RXRG: variants seen among roughly 807,000 people sequenced by gnomAD.
RXRG encodes retinoic acid receptor RXR-gamma.
A neutral mutation model predicts 49.2 loss-of-function variants in RXRG; 19 were observed. That is an observed-to-expected ratio of 0.39 (90% CI 0.27 to 0.57). The LOEUF is 0.57. Ranked by LOEUF, RXRG falls within the 20% of genes least tolerant of loss-of-function variation. RXRG has a pLI of 0.64. For synonymous variants in RXRG, 224 were observed against 216.6 expected (o/e 1.03, Z -0.30); for missense variants, 452 against 592.5 (o/e 0.76, Z 2.46).
Position 165,409,699 on chromosome 1 carries a change from A to T in RXRG, c.914-9T>A, listed in dbSNP as rs1657879655. Reference sequence around the variant, plus strand: ...CAGCAATTCATTCCACCCTGCAAGGATAAGGAGGAGGTCTTGAGGGAAAAC... The same window carrying T: ...CAGCAATTCATTCCACCCTGCAAGGTTAAGGAGGAGGTCTTGAGGGAAAAC... On this transcript the variant is annotated splice_polypyrimidine_tract_variant and intron_variant, in intron 6 of 9. Coordinates refer to ENST00000359842, the MANE Select transcript of RXRG (RefSeq NM_006917.5). 1 of 1,487,066 alleles carries T rather than the reference A, an allele frequency of 6.7e-7. No individual in the cohort carries two copies. Among genetic ancestry groups the T allele is most frequent in the African/African-American group, 1.4e-5 (1 of 69,828 alleles). The allele number at this position is 1,487,066 out of a possible 1,614,324, so 92.1% of individuals were successfully genotyped here. A position where few individuals can be genotyped will look rare whatever the true frequency, so the allele number is the denominator to read the frequency against.
intron 7 of RXRG, 21 bp downstream of exon 7, chr1:165,409,537 C>G: frequency 6.9e-7 from 1 of 1,442,014 alleles, no homozygotes; most frequent in Non-Finnish European, 9.1e-7. Context: ...CACACAAATA[C>G]TGGAAGCAGG....
intron 1 of RXRG, among the ~76,000 whole-genome samples, chr1:165,444,045 G>A (rs157888): frequency 3.4e-4 from 52 of 152,188 alleles, no homozygotes; most frequent in Middle Eastern, 3.4e-3. Flanking sequence ...TCCTTGGGAC[G>A]GATGTGCTTG....
intron 1 of RXRG, among the ~76,000 whole-genome samples, chr1:165,437,640 T>C (rs1051400750): frequency 1.3e-5 from 2 of 152,056 alleles, no homozygotes; most frequent in Non-Finnish European, 2.9e-5. Flanking sequence ...GTGCACATAA[T>C]TGATGTTCAA....
chr1:165,422,219 A>G (rs1367139910), intron 2 of RXRG, among the ~76,000 whole-genome samples: 1 of 152,240 alleles, frequency 6.6e-6, no homozygotes, highest in Non-Finnish European at 1.5e-5. Context: ...CCATCTATGG[A>G]AAGCTTGCTC....
intron 2 of RXRG, chr1:165,424,904 A>G: frequency 1.0e-6 from 1 of 985,552 alleles, no homozygotes; most frequent in African/African-American, 1.7e-5. Flanking sequence ...TTCCAGTGTC[A>G]TCTCGTTAAC....
intron 1 of RXRG, 128 bp downstream of exon 1, chr1:165,444,717 C>T (rs1374185606): frequency 3.8e-6 from 3 of 797,470 alleles, no homozygotes; most frequent in Non-Finnish European, 6.4e-6. Flanking sequence ...GCTATATACA[C>T]ACTATATATG....
intron 1 of RXRG, among the ~76,000 whole-genome samples, chr1:165,429,881 G>A (rs1174347130): frequency 6.6e-6 from 1 of 152,136 alleles, no homozygotes; most frequent in East Asian, 1.9e-4. Context: ...GATGAAACAG[G>A]AGAGTGCCCT....
At chr1:165,405,043 G>A (rs1190503403) in intron 9 of RXRG, among the ~76,000 whole-genome samples, 2 of 152,098 alleles carry the variant, frequency 1.3e-5, no homozygotes, top group African/African-American at 4.8e-5. Flanking sequence ...ACAGACATGA[G>A]CCACCGCATA....
In RXRG at chr1:165,410,806, C is replaced by T; in HGVS notation, c.809G>A (p.Cys270Tyr). The T allele has an allele frequency of 6.2e-7, 1 of 1,614,172 alleles. No individual in the cohort carries two copies. The highest frequency in any genetic ancestry group is 8.5e-7 in the Non-Finnish European group (1 of 1,180,012). ...NSTNDPVTNI[C>Y]HAADKQLFTL... ...GAAAAGCTGCTTGTCAGCAGCATGA[C>T]ATATGTTGGTAACAGGGTCATTTGT... The change falls in exon 6 of 10, where the codon TGT becomes TAT. Residue 270 changes from cysteine (C) to tyrosine (Y), a missense_variant. Physicochemically the swap from Cys to Tyr is radical, Grantham distance 194. Around this residue, in one of 2 missense-constraint regions of RXRG, gnomAD observed 286 missense variants for 440.9 expected, o/e 0.65. Coordinates refer to ENST00000359842, the MANE Select transcript of RXRG (RefSeq NM_006917.5).
At chr1:165,436,626 G>A (rs894119743) in intron 1 of RXRG, among the ~76,000 whole-genome samples, 5 of 152,118 alleles carry the variant, frequency 3.3e-5, no homozygotes, top group African/African-American at 4.8e-5. Flanking sequence ...AGAAAACTAC[G>A]TTTTAACAAA....
intron 1 of RXRG, among the ~76,000 whole-genome samples, chr1:165,443,015 T>TAA (rs1352192184): frequency 6.6e-6 from 1 of 152,226 alleles, no homozygotes; most frequent in East Asian, 1.9e-4. Flanking sequence ...CAGCCCCATA[T>TAA]AAATTTGGAC....
intron 3 of RXRG, among the ~76,000 whole-genome samples, chr1:165,417,584 C>T (rs1422688562): frequency 6.6e-6 from 1 of 152,118 alleles, no homozygotes; most frequent in Non-Finnish European, 1.5e-5. Flanking sequence ...AATATATATG[C>T]TTGTCACGTA....
At position 165,410,986 on chromosome 1, in the gene RXRG, T is replaced by G; in HGVS notation, c.746A>C (p.Lys249Thr). 6.2e-7 allele frequency: 1 copy of G among 1,614,190 alleles called. No individual in the cohort carries two copies. Among genetic ancestry groups the G allele is most frequent in the South Asian group, 1.1e-5 (1 of 91,084 alleles). Residue 249 changes from lysine to threonine, a missense_variant, in exon 5 of 10, where the codon AAG becomes ACG. By Grantham distance (78) the Lys-to-Thr change is moderately conservative. Coordinates refer to ENST00000359842, the MANE Select transcript of RXRG (RefSeq NM_006917.5). Reference sequence around the variant, plus strand: ...ATTCATGTCACCATAGGATTCTGTCTTTGGTTCAACAGCAAGTTCAGCTTC... The same window carrying G: ...ATTCATGTCACCATAGGATTCTGTCGTTGGTTCAACAGCAAGTTCAGCTTC... Reference protein sequence around the residue: ...ILEAELAVEPKTESYGDMNME... With the variant: ...ILEAELAVEPTTESYGDMNME...
At chr1:165,444,612 C>T (rs1266278556) in intron 1 of RXRG, among the ~76,000 whole-genome samples, 1 of 152,184 alleles carries the variant, frequency 6.6e-6, no homozygotes, top group Non-Finnish European at 1.5e-5. Flanking sequence ...AGAATATCCC[C>T]GTATCCTCAT....
chr1:165,444,739 A>G (rs112616748), intron 1 of RXRG, 106 bp downstream of exon 1: 13 of 1,000,388 alleles, frequency 1.3e-5, no homozygotes, highest in African/African-American at 6.3e-5. Context: ...ATATAAACAT[A>G]TATGTTCTCC....
Position 165,434,271 on chromosome 1 carries a change from C to CGTGT in RXRG, c.50-5306_50-5305insACAC, listed in dbSNP as rs1491363219. 3.5e-3 allele frequency among the ~76,000 whole-genome samples: 426 copies of CGTGT among 120,776 alleles called. 3 individuals are homozygous for CGTGT. Among genetic ancestry groups the CGTGT allele is most frequent in the African/African-American group, 0.015 (393 of 25,454 alleles). The allele number at this position is 120,776 out of a possible 152,430, so 79.2% of individuals were successfully genotyped here. A position where few individuals can be genotyped will look rare whatever the true frequency, so the allele number is the denominator to read the frequency against. On this transcript the variant is annotated intron_variant, in intron 1 of 9. Coordinates refer to ENST00000359842, the MANE Select transcript of RXRG (RefSeq NM_006917.5). ...ACCACAATCTCTAAACAATGAATTGCATGTGTGTATGTGTGTGTGTGTGTG... is the reference window on the plus strand; with the variant it reads ...ACCACAATCTCTAAACAATGAATTGCGTGTATGTGTGTATGTGTGTGTGTGTGTG...
chr1:165,442,915 C>A (rs1659050633), intron 1 of RXRG, among the ~76,000 whole-genome samples: 1 of 152,232 alleles, frequency 6.6e-6, no homozygotes, highest in Non-Finnish European at 1.5e-5. Flanking sequence ...CCTCTTCCTG[C>A]CTCCTCTTCC....
chr1:165,428,874 T>C lies in RXRG; in HGVS notation c.142A>G (p.Thr48Ala), dbSNP rs1458780801. 1 of 1,614,022 alleles carries C rather than the reference T, an allele frequency of 6.2e-7. No individual in the cohort carries two copies. The highest frequency in any genetic ancestry group is 8.5e-7 in the Non-Finnish European group (1 of 1,179,990). Residue 48 changes from threonine (T) to alanine (A), a missense_variant, in exon 2 of 10, where the codon ACC (threonine) becomes GCC (alanine). Coordinates refer to ENST00000359842, the MANE Select transcript of RXRG (RefSeq NM_006917.5). ...PMDSHPSYTD[T>A]PVSAPRTLSA... ...AGAGTCCGTGGGGCACTCACTGGGG[T>C]ATCTGTGTAGCTGGGGTGGCTGTCC...
rs114839477 is a variant in RXRG, at chr1:165,403,596, C to A, written c.1245-2186G>T. Among the ~76,000 whole-genome samples, 1,157 of 152,288 alleles carry A rather than the reference C, an allele frequency of 7.6e-3. 5 individuals are homozygous for A. The highest frequency in any genetic ancestry group is 0.013 in the Non-Finnish European group (859 of 68,018). On this transcript the variant is annotated intron_variant, in intron 9 of 9. Coordinates refer to ENST00000359842, the MANE Select transcript of RXRG (RefSeq NM_006917.5). ...ACTTCAAAAGCCTCCAGTGGTAAAGCCCCTGAAAGCATTTGAGTGGCATCA... is the reference window on the plus strand; with the variant it reads ...ACTTCAAAAGCCTCCAGTGGTAAAGACCCTGAAAGCATTTGAGTGGCATCA...
Sources: gnomAD v4.1 joint callset for allele counts (sites outside exome capture counted in the v4.1 genomes callset) on GRCh38, gnomAD v4.1.1 for gene constraint, gnomAD v4.1.1 regional missense constraint, MANE v1.5 for transcripts, NCBI Gene and HGNC (gene_info 2026-07-23, HGNC 2026-07-21) for gene names.